The following PFDN1 variants were observed in gnomAD, a reference collection of about 807,000 sequenced individuals.
PFDN1 encodes the protein prefoldin subunit 1.
PFDN1 carries 6 observed loss-of-function variants against 17.3 expected under a neutral mutation model. The ratio of observed to expected loss-of-function variants is 0.35; its 90% CI spans 0.19 to 0.69. PFDN1 has a LOEUF of 0.69. Ranked by LOEUF, PFDN1 falls within the 30% of genes least tolerant of loss-of-function variation. PFDN1 has a pLI of 0.65. For synonymous variants in PFDN1, 58 were observed against 50.1 expected, an observed-to-expected ratio of 1.16 and a Z score of -0.67; for missense variants, 113 against 146.2, an observed-to-expected ratio of 0.77 and a Z score of 1.17.
intron 3 of PFDN1, among the ~76,000 whole-genome samples, chr5:140,250,501 T>C (rs1190742631): frequency 6.6e-6 from 1 of 152,228 alleles, no homozygotes; most frequent in Non-Finnish European, 1.5e-5. Flanking sequence ...ACCTTGACTC[T>C]TCTCCAGAGC....
intron 3 of PFDN1, among the ~76,000 whole-genome samples, chr5:140,263,046 A>C (rs1765085763): frequency 6.6e-6 from 1 of 152,194 alleles, no homozygotes; most frequent in Middle Eastern, 3.2e-3. Context: ...GATCTGTATT[A>C]TGTTACAAGG....
Position 140,270,697 on chromosome 5 carries a change from G to A in PFDN1, c.285+10752C>T, listed in dbSNP as rs574462250. ...TCCCAGCACTTTGGGAGGCCGAGGCGGGCGGATAACGGGGTCAGGAGATCA... is the reference window on the plus strand; with the variant it reads ...TCCCAGCACTTTGGGAGGCCGAGGCAGGCGGATAACGGGGTCAGGAGATCA... On this transcript the variant is annotated intron_variant, in intron 3 of 3. Transcript: ENST00000261813. Among the ~76,000 whole-genome samples, 282 of 152,260 alleles carry A rather than the reference G, an allele frequency of 1.9e-3. 2 individuals are homozygous for A. Among genetic ancestry groups the A allele is most frequent in the African/African-American group, 6.5e-3 (270 of 41,562 alleles).
chr5:140,293,499 T>C (rs13159261), intron 2 of PFDN1, among the ~76,000 whole-genome samples: 35,626 of 152,044 alleles, frequency 0.23, 4,687 homozygotes, highest in South Asian at 0.46. Flanking sequence ...CTTTTCCCTT[T>C]TTTAACAATA....
intron 3 of PFDN1, among the ~76,000 whole-genome samples, chr5:140,258,051 G>C (rs941132298): frequency 6.6e-6 from 1 of 152,172 alleles, no homozygotes; most frequent in Non-Finnish European, 1.5e-5. Context: ...GAAGCACAGA[G>C]ACAGAAAGGG....
In PFDN1 at chr5:140,300,404, C is replaced by T; in HGVS notation, c.200+12G>A. 6.4e-7 allele frequency: 1 copy of T among 1,566,758 alleles called. No individual in the cohort carries two copies. The highest frequency in any genetic ancestry group is 1.1e-5 in the South Asian group (1 of 87,550). ...TCCCAAAATAACTCCATTAAGGACA[C>T]ATTTTACTTACATTCTTCCTACACC... On this transcript the variant is annotated intron_variant, in intron 2 of 3. Transcript: ENST00000261813.
intron 2 of PFDN1, among the ~76,000 whole-genome samples, chr5:140,291,480 G>C (rs1295374184): frequency 6.6e-6 from 1 of 152,038 alleles, no homozygotes; most frequent in African/African-American, 2.4e-5. Context: ...ATTTTATCTT[G>C]GCCAAGCTAA....
At chr5:140,298,153 A>G (rs1039429250) in intron 2 of PFDN1, among the ~76,000 whole-genome samples, 1 of 152,204 alleles carries the variant, frequency 6.6e-6, no homozygotes, top group Non-Finnish European at 1.5e-5. Context: ...GAGCTTGGAC[A>G]TAAAATTTAC....
At chr5:140,265,484 T>C (rs1290943738) in intron 3 of PFDN1, among the ~76,000 whole-genome samples, 1 of 152,190 alleles carries the variant, frequency 6.6e-6, no homozygotes, top group African/African-American at 2.4e-5. Context: ...CCATTTTATT[T>C]CGCTAGTCCA....
rs56267997 is a variant in PFDN1 at position 140,286,597 on chromosome 5, CGGGGGGGGGGGGGGGGGG to C, written c.201-5082_201-5065del. ...CCTCTTGAATCCTCAATTTTTTTTG[CGGGGGGGGGGGGGGGGGG>C]GGGGGCGGGGGAGACAGTCTTGCTC... On this transcript the variant is annotated intron_variant, in intron 2 of 3. Coordinates refer to ENST00000261813, the MANE Select transcript of PFDN1 (RefSeq NM_002622.5). Among the ~76,000 whole-genome samples, 5 of 27,346 alleles carry C rather than the reference CGGGGGGGGGGGGGGGGGG, an allele frequency of 1.8e-4. 2 individuals carry two copies. The highest frequency in any genetic ancestry group is 3.3e-4 in the Non-Finnish European group (5 of 15,014). The allele number at this position is 27,346 out of a possible 152,430, so 17.9% of individuals were successfully genotyped here. A position where few individuals can be genotyped will look rare whatever the true frequency, so the allele number is the denominator to read the frequency against.
intron 3 of PFDN1, among the ~76,000 whole-genome samples, chr5:140,253,687 A>C (rs1393476687): frequency 6.6e-6 from 1 of 152,238 alleles, no homozygotes; most frequent in Non-Finnish European, 1.5e-5. Context: ...CAGGTGTAAA[A>C]GGGATGATGA....
intron 3 of PFDN1, among the ~76,000 whole-genome samples, chr5:140,248,304 T>G (rs1041051949): frequency 6.6e-6 from 1 of 152,074 alleles, no homozygotes; most frequent in African/African-American, 2.4e-5. Context: ...CCTGACCTCG[T>G]GATCTGCCCG....
chr5:140,299,632 T>G (rs1022600261), intron 2 of PFDN1, among the ~76,000 whole-genome samples: 3 of 151,972 alleles, frequency 2.0e-5, no homozygotes, highest in African/African-American at 7.3e-5. Context: ...AGTCTAAACT[T>G]AAACACTTTA....
chr5:140,270,564 T>A (rs1447788849), intron 3 of PFDN1, among the ~76,000 whole-genome samples: 1 of 152,074 alleles, frequency 6.6e-6, no homozygotes, highest in Admixed American at 6.6e-5. Context: ...CAAGGGTATA[T>A]CAATGTGTGT....
intron 1 of PFDN1, among the ~76,000 whole-genome samples, chr5:140,301,766 T>A (rs977063158): frequency 6.6e-6 from 1 of 152,216 alleles, no homozygotes; most frequent in Non-Finnish European, 1.5e-5. Context: ...GCAAATCCAT[T>A]CACTAAACCC....
intron 3 of PFDN1, among the ~76,000 whole-genome samples, chr5:140,250,027 G>GGTGCT (rs1764890570): frequency 6.6e-6 from 1 of 152,092 alleles, no homozygotes; most frequent in Admixed American, 6.5e-5. Flanking sequence ...TTTCCAGTGC[G>GGTGCT]GTGCTGTGCT....
At chr5:140,276,734 T>TAGCG (rs1474705957) in intron 3 of PFDN1, among the ~76,000 whole-genome samples, 8 of 121,442 alleles carry the variant, frequency 6.6e-5, no homozygotes, top group Non-Finnish European at 9.4e-5. Flanking sequence ...TGAGCCAAGA[T>TAGCG]AGCGCCACTG....
intron 2 of PFDN1, among the ~76,000 whole-genome samples, chr5:140,283,813 T>C (rs1561512078): frequency 2.0e-5 from 3 of 152,252 alleles, no homozygotes; most frequent in Admixed American, 6.5e-5. Context: ...AGTAATGTTA[T>C]GTAAAAACTA....
Position 140,245,449 on chromosome 5 carries a change from C to G in PFDN1, c.*525G>C. The G allele has an allele frequency of 1.4e-6, 1 of 702,612 alleles. No individual in the cohort carries two copies. The highest frequency in any genetic ancestry group is 2.0e-5 in the Admixed American group (1 of 50,020). 43.5% of individuals were successfully genotyped at this position (702,612 alleles called of 1,614,324 possible). A position where few individuals can be genotyped will look rare whatever the true frequency, so the allele number is the denominator to read the frequency against. On this transcript the variant is annotated 3_prime_UTR_variant, in exon 4 of 4. Transcript: ENST00000261813. ...CTGTTCTTTCTTCCTCTTCTGTCTA[C>G]TGCATGCAGGCCCGGAAGCTGAGCG...
intron 3 of PFDN1, among the ~76,000 whole-genome samples, chr5:140,274,128 C>A (rs1332750853): frequency 2.0e-5 from 3 of 152,126 alleles, no homozygotes; most frequent in African/African-American, 7.2e-5. Context: ...CTGCTTACCT[C>A]CAAAAAAGTT....
Sources: allele counts gnomAD v4.1 joint callset (sites outside exome capture counted in the v4.1 genomes callset), GRCh38; gene constraint gnomAD v4.1.1; transcripts MANE v1.5; gene names NCBI Gene and HGNC (gene_info 2026-07-23, HGNC 2026-07-21).